The following MRTFB variants were observed in gnomAD, a reference collection of about 807,000 sequenced individuals.
MRTFB encodes myocardin related transcription factor B.
MRTFB carries 29 observed loss-of-function variants against 104.2 expected under a neutral mutation model. The ratio of observed to expected loss-of-function variants is 0.28; its 90% confidence interval spans 0.21 to 0.38. The LOEUF (loss-of-function observed/expected upper bound fraction) is 0.38, where lower values mean the gene tolerates loss of function less well. Among genes scored for constraint, MRTFB ranks in the 10% least tolerant of loss-of-function variants. MRTFB has a pLI of 1.00. For missense variants in MRTFB, 1,270 were observed against 1,341.6 expected (o/e 0.95, Z 0.83); for synonymous variants, 535 against 519.5 (o/e 1.03, Z -0.41).
chr16:13,996,568 A>G, the MRTFB span, among the ~76,000 whole-genome samples: 4 of 152,232 alleles, frequency 2.6e-5, no homozygotes, highest in Non-Finnish European at 4.4e-5. Context: ...GTGACAAAAT[A>G]CAGCAGTGAG....
intron 2 of MRTFB, among the ~76,000 whole-genome samples, chr16:14,120,748 T>C (rs1460805895): frequency 6.6e-6 from 1 of 152,158 alleles, no homozygotes; most frequent in Non-Finnish European, 1.5e-5. Context: ...ATGGTTATGA[T>C]TGGAACTTAG....
chr16:14,145,529 G>T (rs1024805758), intron 3 of MRTFB, among the ~76,000 whole-genome samples: 1 of 152,108 alleles, frequency 6.6e-6, no homozygotes, highest in Non-Finnish European at 1.5e-5. Context: ...CCCACTATTG[G>T]AGCACATAGG....
chr16:14,194,539 G>T (rs2040339123), intron 3 of MRTFB, among the ~76,000 whole-genome samples: 1 of 152,184 alleles, frequency 6.6e-6, no homozygotes. Flanking sequence ...GTCTATAACA[G>T]CAGTGAATTC....
chr16:14,145,888 G>A (rs1468123864), intron 3 of MRTFB, among the ~76,000 whole-genome samples: 1 of 152,220 alleles, frequency 6.6e-6, no homozygotes, highest in Admixed American at 6.5e-5. Context: ...GACAAAGTGG[G>A]TAGAAACAAC....
At chr16:14,159,929 C>CA (rs552159164) in intron 3 of MRTFB, among the ~76,000 whole-genome samples, 1,354 of 53,756 alleles carry the variant, frequency 0.025, 39 homozygotes, top group East Asian at 0.085. Flanking sequence ...GACTCCGTCT[C>CA]AAAAAAAAAA....
intron 10 of MRTFB, 133 bp downstream of exon 10, chr16:14,240,617 C>A: frequency 6.9e-7 from 1 of 1,446,670 alleles, no homozygotes; most frequent in Non-Finnish European, 9.7e-7. Context: ...GTTATCAGAG[C>A]TTATCACACA....
intron 3 of MRTFB, among the ~76,000 whole-genome samples, chr16:14,208,935 A>G (rs1219607873): frequency 1.3e-5 from 2 of 152,216 alleles, no homozygotes; most frequent in African/African-American, 4.8e-5. Flanking sequence ...TAAATAGGCT[A>G]TCAATGAAGT....
intron 3 of MRTFB, among the ~76,000 whole-genome samples, chr16:14,165,505 A>G (rs574158876): frequency 6.6e-6 from 1 of 152,300 alleles, no homozygotes; most frequent in South Asian, 2.1e-4. Flanking sequence ...TTGCCTAGCC[A>G]TGCGGCCGCC....
intron 16 of MRTFB, among the ~76,000 whole-genome samples, chr16:14,258,604 A>G (rs2043620014): frequency 6.6e-6 from 1 of 152,242 alleles, no homozygotes; most frequent in Non-Finnish European, 1.5e-5. Context: ...CCTGCTAAAA[A>G]ACAAAGACCA....
intron 3 of MRTFB, among the ~76,000 whole-genome samples, chr16:14,173,982 TC>T (rs2039502249): frequency 6.6e-6 from 1 of 152,168 alleles, no homozygotes; most frequent in Admixed American, 6.5e-5. Context: ...AGGTACACAA[TC>T]CTTTTTAGTT....
chr16:14,020,406 C>T, the MRTFB span: 11 of 152,236 alleles, frequency 7.2e-5, no homozygotes, highest in African/African-American at 2.2e-4. Flanking sequence ...ATTGTTGTGG[C>T]TCTAGAGATG....
At chr16:14,252,199 AC>A in intron 14 of MRTFB, among the ~76,000 whole-genome samples, 165 bp from the exon 15 acceptor site, 1 of 152,320 alleles carries the variant, frequency 6.6e-6, no homozygotes, top group South Asian at 2.1e-4. Context: ...GATCGTTCGC[AC>A]ATAAGGTGGC....
the MRTFB span, among the ~76,000 whole-genome samples, chr16:14,022,076 A>G: frequency 6.6e-6 from 1 of 152,258 alleles, no homozygotes; most frequent in Admixed American, 6.5e-5. Context: ...TGTTGGGCCC[A>G]CCAAAAAAAA....
chr16:14,246,081 C>A (rs577716101), intron 11 of MRTFB, among the ~76,000 whole-genome samples: 2 of 152,178 alleles, frequency 1.3e-5, no homozygotes, highest in African/African-American at 4.8e-5. Flanking sequence ...GCCTCCCGAT[C>A]TGTAAAATGG....
chr16:14,095,881 C>T (rs2035332529), intron 2 of MRTFB, among the ~76,000 whole-genome samples: 1 of 151,692 alleles, frequency 6.6e-6, no homozygotes, highest in African/African-American at 2.4e-5. Context: ...GTACTGAATG[C>T]ACTATTTACA....
At chr16:14,197,214 T>A (rs1261599372) in intron 3 of MRTFB, among the ~76,000 whole-genome samples, 2 of 152,114 alleles carry the variant, frequency 1.3e-5, no homozygotes, top group African/African-American at 4.8e-5. Context: ...CCTCAAGTGA[T>A]CCGCCTGCCT....
intron 2 of MRTFB, among the ~76,000 whole-genome samples, chr16:14,108,890 T>G (rs1402521803): frequency 6.6e-6 from 1 of 152,184 alleles, no homozygotes; most frequent in African/African-American, 2.4e-5. Flanking sequence ...TTTGGGACTT[T>G]TAAGGCCAGA....
chr16:14,241,060 C>A (rs30151), intron 10 of MRTFB: 28,961 of 448,398 alleles, frequency 0.065, 2,151 homozygotes, highest in East Asian at 0.3. Context: ...AGACAAAAAT[C>A]GAGTACAGCC....
the MRTFB span, among the ~76,000 whole-genome samples, chr16:14,029,520 C>CAA: frequency 1.7e-5 from 2 of 120,038 alleles, no homozygotes; most frequent in Non-Finnish European, 3.9e-5. Context: ...TATATACACA[C>CAA]ACACACACAC....
Sources: allele counts gnomAD v4.1 joint callset (sites outside exome capture counted in the v4.1 genomes callset), GRCh38; gene constraint gnomAD v4.1.1; transcripts MANE v1.5; gene names NCBI Gene and HGNC (gene_info 2026-07-23, HGNC 2026-07-21).